HORMAD2: variants seen among roughly 807,000 people sequenced by gnomAD.
HORMAD2 encodes HORMA domain containing 2.
A neutral mutation model predicts 38.8 loss-of-function variants in HORMAD2; 45 were observed. The observed-to-expected ratio is 1.16, with a 90% CI of 0.91 to 1.49. The LOEUF is 1.49. Among genes scored for constraint, HORMAD2 ranks in the 40% most tolerant of loss-of-function variants. The probability of loss-of-function intolerance (pLI) is 0.00; values close to 1 mark genes in which losing one functional copy is unlikely to be tolerated. For synonymous variants in HORMAD2, 126 were observed against 122.8 expected (o/e 1.03, Z -0.17); for missense variants, 338 against 367.0 (o/e 0.92, Z 0.65).
At chr22:30,138,688 T>C (rs1053322079) in intron 10 of HORMAD2, among the ~76,000 whole-genome samples, 1 of 152,208 alleles carries the variant, frequency 6.6e-6, no homozygotes, top group Non-Finnish European at 1.5e-5. Flanking sequence ...TTCATGAGCA[T>C]TCTTTTCATA....
chr22:30,153,080 CCA>C (rs1287831258), intron 10 of HORMAD2, among the ~76,000 whole-genome samples: 1 of 150,138 alleles, frequency 6.7e-6, no homozygotes, highest in African/African-American at 2.4e-5. Context: ...CAGTTTCCCC[CCA>C]TCTCAGCACC....
chr22:30,189,037 A>G, the HORMAD2 span, among the ~76,000 whole-genome samples: 1 of 151,782 alleles, frequency 6.6e-6, no homozygotes, highest in Non-Finnish European at 1.5e-5. Context: ...GGATCACTTG[A>G]GTCCAGGAGG....
chr22:30,125,211 C>CTTTTTTGTTTTTTTTTT (rs1569099734), intron 10 of HORMAD2, among the ~76,000 whole-genome samples: 1 of 46,592 alleles, frequency 2.1e-5, no homozygotes, highest in Non-Finnish European at 4.2e-5. Context: ...CTTTCTTTTT[C>CTTTTTTGTTTTTTTTTT]TTTTCTTTTT....
chr22:30,084,689 A>G (rs1023792135), intron 1 of HORMAD2, among the ~76,000 whole-genome samples: 1 of 151,932 alleles, frequency 6.6e-6, no homozygotes, highest in Non-Finnish European at 1.5e-5. Flanking sequence ...GGGCTTCACC[A>G]TGTTGGCCAG....
At chr22:30,115,276 G>A (rs984588862) in intron 7 of HORMAD2, among the ~76,000 whole-genome samples, 15 of 151,972 alleles carry the variant, frequency 9.9e-5, no homozygotes, top group African/African-American at 2.9e-4. Flanking sequence ...GCAGTTGTTC[G>A]CCACAATGCC....
intron 5 of HORMAD2, among the ~76,000 whole-genome samples, chr22:30,109,698 T>C (rs1433462966): frequency 1.3e-5 from 2 of 152,204 alleles, no homozygotes; most frequent in South Asian, 2.1e-4. Context: ...ATGTTACTCT[T>C]TCAAGCAGAG....
At position 30,122,021 on chromosome 22, in the gene HORMAD2, T is replaced by G. The variant is rs1569097785; in HGVS notation, c.626T>G (p.Leu209Arg). The change falls in exon 10 of 11, where the codon CTG (leucine) becomes CGG (arginine). Residue 209 changes from leucine (L) to arginine (R), a missense_variant. By Grantham distance (102) the Leu-to-Arg change is moderately radical (BLOSUM62 -2). Coordinates refer to ENST00000336726, the MANE Select transcript of HORMAD2 (RefSeq NM_152510.4). Reference protein sequence around the residue: ...GFKEGVNSHFLLFDKEPINVQ... With the variant: ...GFKEGVNSHFRLFDKEPINVQ... ...AAAGAAGGGGTAAATTCACACTTCC[T>G]GCTGTTTGACAAGGAGCCTATCAAC... 3 of 1,613,228 alleles carry G rather than the reference T, an allele frequency of 1.9e-6. No individual in the cohort carries two copies. In the South Asian group the frequency reaches 3.3e-5, roughly 18 times the overall value.
intron 5 of HORMAD2, among the ~76,000 whole-genome samples, chr22:30,107,838 A>T (rs17648370): frequency 6.6e-6 from 1 of 151,922 alleles, no homozygotes; most frequent in Non-Finnish European, 1.5e-5. Flanking sequence ...CCCCTGTAAG[A>T]GCATGATTAT....
intron 3 of HORMAD2, among the ~76,000 whole-genome samples, chr22:30,101,235 A>G (rs1008368297): frequency 2.6e-5 from 4 of 152,230 alleles, no homozygotes; most frequent in African/African-American, 4.8e-5. Flanking sequence ...CATATACATC[A>G]TAGAAAACTA....
the HORMAD2 span, among the ~76,000 whole-genome samples, chr22:30,187,900 T>C: frequency 0.91 from 138,563 of 151,828 alleles, 63,313 homozygotes; most frequent in East Asian, 1. Context: ...GCAGTGGGGG[T>C]GGTGTGGGGG....
intron 10 of HORMAD2, among the ~76,000 whole-genome samples, chr22:30,165,799 G>A (rs1925741915): frequency 6.6e-6 from 1 of 151,744 alleles, no homozygotes. Flanking sequence ...CCATAGCATA[G>A]GTTTGTTTTT....
chr22:30,206,450 G>A, the HORMAD2 span, among the ~76,000 whole-genome samples: 6 of 152,072 alleles, frequency 3.9e-5, no homozygotes, highest in Admixed American at 2.0e-4. Context: ...GAGCCACCGC[G>A]CCTGGCCTGT....
At chr22:30,081,606 C>T (rs1010820725) in intron 1 of HORMAD2, among the ~76,000 whole-genome samples, 13 of 151,324 alleles carry the variant, frequency 8.6e-5, no homozygotes, top group Middle Eastern at 3.4e-3. Flanking sequence ...GAGATGGAGT[C>T]GAGCTCTGTG....
chr22:30,160,502 T>A (rs1925376239), intron 10 of HORMAD2, among the ~76,000 whole-genome samples: 1 of 152,068 alleles, frequency 6.6e-6, no homozygotes, highest in Non-Finnish European at 1.5e-5. Flanking sequence ...TTATTCCAGT[T>A]TTAAGTTTTT....
intron 10 of HORMAD2, among the ~76,000 whole-genome samples, chr22:30,172,594 T>C (rs940202982): frequency 6.6e-6 from 1 of 152,018 alleles, no homozygotes; most frequent in Non-Finnish European, 1.5e-5. Context: ...ACAAAGATGA[T>C]GAAAATATTG....
At chr22:30,204,984 C>G in the HORMAD2 span, among the ~76,000 whole-genome samples, 1 of 152,170 alleles carries the variant, frequency 6.6e-6, no homozygotes, top group African/African-American at 2.4e-5. Flanking sequence ...CTGGAGCCGG[C>G]CCGGGGTGGC....
At chr22:30,195,294 T>A in the HORMAD2 span, among the ~76,000 whole-genome samples, 1 of 152,226 alleles carries the variant, frequency 6.6e-6, no homozygotes, top group Non-Finnish European at 1.5e-5. Flanking sequence ...TAGCATTTTT[T>A]AACAATTTAT....
At chr22:30,135,884 C>T (rs1001042369) in intron 10 of HORMAD2, among the ~76,000 whole-genome samples, 3 of 152,156 alleles carry the variant, frequency 2.0e-5, no homozygotes, top group Non-Finnish European at 2.9e-5. Flanking sequence ...ATGTAACATT[C>T]TTATTGTTCA....
At chr22:30,195,286 G>A in the HORMAD2 span, among the ~76,000 whole-genome samples, 1 of 151,552 alleles carries the variant, frequency 6.6e-6, no homozygotes, top group Non-Finnish European at 1.5e-5. Context: ...TTATGAGCTA[G>A]CATTTTTTAA....
Sources: allele counts gnomAD v4.1 joint callset (sites outside exome capture counted in the v4.1 genomes callset), GRCh38; gene constraint gnomAD v4.1.1; transcripts MANE v1.5; gene names NCBI Gene and HGNC (gene_info 2026-07-23, HGNC 2026-07-21).